Variants in ALDH3B1 observed in about 807,000 individuals in gnomAD.
ALDH3B1 encodes aldehyde dehydrogenase family 3 member B1.
Under a neutral mutation model 46.2 loss-of-function variants are expected in ALDH3B1, and 37 were observed. The ratio of observed to expected loss-of-function variants is 0.80; its 90% CI spans 0.62 to 1.05. The LOEUF (loss-of-function observed/expected upper bound fraction) is 1.05. ALDH3B1 is among the 50% of genes least tolerant of loss of function. The pLI, the probability that ALDH3B1 is intolerant of heterozygous loss-of-function variation, is 0.00. For synonymous variants in ALDH3B1, 283 were observed against 281.0 expected, an observed-to-expected ratio of 1.01 and a Z score of -0.07; for missense variants, 603 against 665.5, an observed-to-expected ratio of 0.91 and a Z score of 1.03.
At chr11:68,019,331 C>T in intron 5 of ALDH3B1, 76 bp downstream of exon 5, 2 of 1,343,354 alleles carry the variant, frequency 1.5e-6, no homozygotes, top group Non-Finnish European at 2.1e-6. Context: ...CATGGAAGGG[C>T]CTGTCAGTCA....
intron 9 of ALDH3B1, 144 bp downstream of exon 9, chr11:68,026,252 G>T (rs1857620786): frequency 1.5e-6 from 1 of 654,226 alleles, no homozygotes; most frequent in Non-Finnish European, 2.5e-6. Flanking sequence ...CCCGCATCCT[G>T]CTCCCCACCC....
intron 2 of ALDH3B1, 194 bp from the exon 3 acceptor site, chr11:68,018,333 A>G: frequency 1.7e-6 from 1 of 589,978 alleles, no homozygotes; most frequent in Non-Finnish European, 3.0e-6. Context: ...GGTCGGCCTC[A>G]GGGCCGGTCC....
rs1857402153 is a variant in ALDH3B1, at chr11:68,018,456, C to T, written c.163-71C>T. The T allele has an allele frequency of 2.5e-6, 3 of 1,178,414 alleles. No homozygotes were observed. The African/African-American group carries it at 4.6e-5, about 18-fold the overall frequency. 73.0% of individuals were successfully genotyped at this position (1,178,414 alleles called of 1,614,324 possible). On this transcript the variant is annotated intron_variant, in intron 2 of 9. Transcript: ENST00000342456. ...AATGAGTTGTGGAAGCAGGCCCTGC[C>T]TGGAGGAGGCTGTGCCCTCCTGCCA... is the stretch of plus-strand genomic sequence containing the variant.
chr11:68,023,302 AC>A (rs1416848549), intron 8 of ALDH3B1, among the ~76,000 whole-genome samples: 1 of 136,156 alleles, frequency 7.3e-6, no homozygotes, highest in African/African-American at 2.9e-5. Flanking sequence ...CTCCACTTGA[AC>A]TTTTTTTTTT....
rs894943639 is a variant in ALDH3B1 at position 68,018,946 on chromosome 11, G to C, written c.394+53G>C. 17 of 1,525,684 alleles carry C rather than the reference G, an allele frequency of 1.1e-5. No homozygotes were observed. The Admixed American group carries it at 3.5e-4, about 31-fold the overall frequency. The allele number at this position is 1,525,684 out of a possible 1,614,324, so 94.5% of individuals were successfully genotyped here. On this transcript the variant is annotated intron_variant, in intron 4 of 9. Transcript: ENST00000342456. ...CACCCTTCTCCGCTCGAGGCCTCAG[G>C]GCCACCCATGGATCCCAGGAGGACA...
chr11:68,015,873 C>T, intron 2 of ALDH3B1: 1 of 336,776 alleles, frequency 3.0e-6, no homozygotes, highest in African/African-American at 2.2e-5. Flanking sequence ...CAAGACCATC[C>T]TGGCCAACAT....
chr11:68,015,421 C>T lies in ALDH3B1; in HGVS notation c.124C>T (p.Gln42Ter). ...GLGRFLQENK[Q>*]LLHDALAQDL... ...GGGCCGCTTCCTGCAAGAAAACAAGCAGCTTCTGCACGACGCACTGGCCCA... is the reference window on the plus strand; with the variant it reads ...GGGCCGCTTCCTGCAAGAAAACAAGTAGCTTCTGCACGACGCACTGGCCCA... Residue 42 changes from glutamine (Q) to a stop codon, truncating the protein, a stop_gained, in exon 2 of 10, where the codon CAG becomes TAG. Transcript: ENST00000342456. LOFTEE classifies it high-confidence loss of function. 1.9e-6 allele frequency: 3 copies of T among 1,559,818 alleles called. No homozygotes were observed. Among genetic ancestry groups the T allele is most frequent in the Non-Finnish European group, 2.6e-6 (3 of 1,152,192 alleles).
intron 8 of ALDH3B1, among the ~76,000 whole-genome samples, chr11:68,023,303 C>CTTT (rs34494820): frequency 1.7e-5 from 2 of 119,006 alleles, no homozygotes; most frequent in African/African-American, 6.9e-5. Context: ...TCCACTTGAA[C>CTTT]TTTTTTTTTT....
At chr11:68,026,196 C>G (rs1857619096) in intron 9 of ALDH3B1, 88 bp downstream of exon 9, 2 of 1,163,586 alleles carry the variant, frequency 1.7e-6, no homozygotes, top group East Asian at 5.8e-5. Context: ...AGCACCCCAG[C>G]CCCACCTCAA....
At position 68,015,409 on chromosome 11, in the gene ALDH3B1, C is replaced by A. The variant is rs757594635; in HGVS notation, c.112C>A (p.Gln38Lys). ...AQLQGLGRFL[Q>K]ENKQLLHDAL... ...GCTCCAAGGCCTGGGCCGCTTCCTG[C>A]AAGAAAACAAGCAGCTTCTGCACGA... The change falls in exon 2 of 10, where the codon CAA (glutamine) becomes AAA (lysine). Residue 38 changes from glutamine (Q) to lysine (K), a missense_variant. Coordinates refer to ENST00000342456, the MANE Select transcript of ALDH3B1 (RefSeq NM_000694.4). 1 of 1,556,634 alleles carries A rather than the reference C, an allele frequency of 6.4e-7. No individual in the cohort carries two copies. The highest frequency in any genetic ancestry group is 8.7e-7 in the Non-Finnish European group (1 of 1,150,518).
Position 68,028,052 on chromosome 11 carries a change from G to A in ALDH3B1, c.*113G>A. The A allele has an allele frequency of 7.1e-7, 1 of 1,403,796 alleles. No homozygotes were observed. Among genetic ancestry groups the A allele is most frequent in the African/African-American group, 1.4e-5 (1 of 70,902 alleles). The allele number at this position is 1,403,796 out of a possible 1,614,324, so 87.0% of individuals were successfully genotyped here. A position where few individuals can be genotyped will look rare whatever the true frequency, so the allele number is the denominator to read the frequency against. On this transcript the variant is annotated 3_prime_UTR_variant, in exon 10 of 10. Coordinates refer to ENST00000342456, the MANE Select transcript of ALDH3B1 (RefSeq NM_000694.4). ...AGGAAAAGGATTGCCAAGGCTCCAG[G>A]GCACCCCTCAAAGCAGCGCCTGCCT...
In ALDH3B1 at chr11:68,021,590, G is replaced by A. The variant is rs773306651; in HGVS notation, c.668G>A (p.Cys223Tyr). Residue 223 changes from cysteine to tyrosine, a missense_variant, in exon 7 of 10, where the codon TGC becomes TAC. Coordinates refer to ENST00000342456, the MANE Select transcript of ALDH3B1 (RefSeq NM_000694.4). ...GKNPCYVDDN[C>Y]DPQTVANRVA... ...AACCCTTGCTACGTGGACGACAACT[G>A]CGACCCCCAGACCGTGGCCAACCGC... is the stretch of plus-strand genomic sequence containing the variant. 16 of 1,614,114 alleles carry A rather than the reference G, an allele frequency of 9.9e-6. No homozygotes were observed. Among genetic ancestry groups the A allele is most frequent in the Non-Finnish European group, 1.3e-5 (15 of 1,179,990 alleles).
rs562011303 is a variant in ALDH3B1, at chr11:68,013,113, G to T, written c.-1-2184G>T. ...CAATGGCTGCCCAGCACCCTCGGGAGATAACAGGCCCAGGATCCCCCCAAT... is the reference window on the plus strand; with the variant it reads ...CAATGGCTGCCCAGCACCCTCGGGATATAACAGGCCCAGGATCCCCCCAAT... On this transcript the variant is annotated intron_variant, in intron 1 of 9. Coordinates refer to ENST00000342456, the MANE Select transcript of ALDH3B1 (RefSeq NM_000694.4). 2.8e-4 allele frequency among the ~76,000 whole-genome samples: 42 copies of T among 152,280 alleles called. No homozygotes were observed. In the South Asian group the frequency reaches 7.9e-3, roughly 29 times the overall value.
intron 7 of ALDH3B1, among the ~76,000 whole-genome samples, chr11:68,022,316 AG>A (rs1490034510): frequency 2.0e-5 from 3 of 152,208 alleles, no homozygotes; most frequent in Non-Finnish European, 4.4e-5. Flanking sequence ...ATGAACTCCA[AG>A]GGTTCTAAGA....
At chr11:68,018,979 A>G (rs892759551) in intron 4 of ALDH3B1, 86 bp downstream of exon 4, 5 of 1,496,888 alleles carry the variant, frequency 3.3e-6, no homozygotes, top group Non-Finnish European at 3.6e-6. Context: ...ACATGGGAGA[A>G]CTGGCCCAGG....
chr11:68,018,761 C>T lies in ALDH3B1; in HGVS notation c.274-12C>T. 6.4e-7 allele frequency: 1 copy of T among 1,551,558 alleles called. No homozygotes were observed. The highest frequency in any genetic ancestry group is 8.7e-7 in the Non-Finnish European group (1 of 1,147,406). ...GCTGAGCACTTAATTTCATCCCCGG[C>T]TCCCGGCCCAGGCCACGCAGCTGGA... On this transcript the variant is annotated splice_polypyrimidine_tract_variant and intron_variant, in intron 3 of 9. Transcript: ENST00000342456.
At chr11:68,026,830 C>T (rs1809454041) in intron 9 of ALDH3B1, among the ~76,000 whole-genome samples, 1 of 152,212 alleles carries the variant, frequency 6.6e-6, no homozygotes, top group Admixed American at 6.5e-5. Flanking sequence ...CCATGCCCTT[C>T]CTGGAGGGCA....
intron 5 of ALDH3B1, 135 bp downstream of exon 5, chr11:68,019,390 G>C: frequency 1.2e-6 from 1 of 808,114 alleles, no homozygotes; most frequent in Non-Finnish European, 2.0e-6. Flanking sequence ...GTGTAAACTT[G>C]ACCAAGTCAC....
chr11:68,022,764 G>C lies in ALDH3B1; in HGVS notation c.1116+3G>C. On this transcript the variant is annotated splice_donor_region_variant and intron_variant, in intron 8 of 9. Coordinates refer to ENST00000342456, the MANE Select transcript of ALDH3B1 (RefSeq NM_000694.4). ...ACGCCTTCTCCAACAGCAGCCAGGTGGGGGTGCGGCCGGGCTGGGCAGGGT... is the reference window on the plus strand; with the variant it reads ...ACGCCTTCTCCAACAGCAGCCAGGTCGGGGTGCGGCCGGGCTGGGCAGGGT... 6.2e-7 allele frequency: 1 copy of C among 1,613,854 alleles called. No individual in the cohort carries two copies. Among genetic ancestry groups the C allele is most frequent in the Middle Eastern group, 1.7e-4 (1 of 6,018 alleles).
Sources: allele counts gnomAD v4.1 joint callset (sites outside exome capture counted in the v4.1 genomes callset), GRCh38; gene constraint gnomAD v4.1.1; transcripts MANE v1.5; gene names NCBI Gene and HGNC (gene_info 2026-07-23, HGNC 2026-07-21).